The following ATAT1 variants were observed in gnomAD, a reference collection of about 807,000 sequenced individuals.
ATAT1 encodes the protein alpha-tubulin N-acetyltransferase 1.
ATAT1 carries 42 observed loss-of-function variants against 57.2 expected under a neutral mutation model. The observed-to-expected ratio is 0.73, with a 90% CI of 0.57 to 0.95. The LOEUF is 0.95. Ranked by LOEUF, ATAT1 falls within the 40% of genes least tolerant of loss-of-function variation. The pLI, the probability that ATAT1 is intolerant of heterozygous loss-of-function variation, is 0.00. For synonymous variants in ATAT1, 168 were observed against 187.1 expected (o/e 0.90, Z 0.83); for missense variants, 454 against 523.7 (o/e 0.87, Z 1.30).
At chr6:30,632,499 G>A (rs1763121752) in intron 6 of ATAT1, among the ~76,000 whole-genome samples, 1 of 152,012 alleles carries the variant, frequency 6.6e-6, no homozygotes. Flanking sequence ...TTGAACCTGG[G>A]AGGCAGAGGT....
In ATAT1 at chr6:30,627,612, A is replaced by G. The variant is rs369518929; in HGVS notation, c.133-24A>G. On this transcript the variant is annotated intron_variant, in intron 2 of 12. Coordinates refer to ENST00000330083, the MANE Select transcript of ATAT1 (RefSeq NM_001031722.4). ...GGGTCCTTCGGAGAGACTTGCAGAA[A>G]GTCTGACTTAATCTTCCCTGCAGGC... 10 of 1,611,558 alleles carry G rather than the reference A, an allele frequency of 6.2e-6. No homozygotes were observed. The African/African-American group carries it at 1.3e-4, about 22-fold the overall frequency.
Position 30,642,206 on chromosome 6 carries a change from C to T in ATAT1, c.647C>T (p.Ala216Val). ...GCAAGGAAGCTGCCACCCAAGAGAGCAGAGGGAGACATCAAGCCATACTCC... is the reference window on the plus strand; with the variant it reads ...GCAAGGAAGCTGCCACCCAAGAGAGTAGAGGGAGACATCAAGCCATACTCC... The change falls in exon 9 of 13, where the codon GCA becomes GTA. Residue 216 changes from alanine to valine, a missense_variant. Around this residue, in one of 3 missense-constraint regions of ATAT1, gnomAD observed 236 missense variants for 284.5 expected, o/e 0.83. Coordinates refer to ENST00000330083, the MANE Select transcript of ATAT1 (RefSeq NM_001031722.4). 15 of 1,614,122 alleles carry T rather than the reference C, an allele frequency of 9.3e-6. No homozygotes were observed. Among genetic ancestry groups the T allele is most frequent in the Non-Finnish European group, 1.1e-5 (13 of 1,180,022 alleles).
At chr6:30,628,509 C>T (rs2127482096) in intron 6 of ATAT1, 79 bp downstream of exon 6, 2 of 1,184,062 alleles carry the variant, frequency 1.7e-6, no homozygotes, top group Non-Finnish European at 2.4e-6. Context: ...GAAGTAGTGA[C>T]TTATTTCCTA....
At chr6:30,643,803 C>T (rs1258971945) in intron 10 of ATAT1, 9 of 1,339,342 alleles carry the variant, frequency 6.7e-6, no homozygotes, top group Non-Finnish European at 7.7e-6. Context: ...TGAATACTTT[C>T]CCAACAGGAA....
chr6:30,642,597 C>T (rs546671516), intron 9 of ATAT1, among the ~76,000 whole-genome samples, 171 bp from the exon 10 acceptor site: 3 of 151,032 alleles, frequency 2.0e-5, no homozygotes, highest in South Asian at 2.1e-4. Flanking sequence ...GAGCCAAGAT[C>T]GTGCCACTGC....
At position 30,642,833 on chromosome 6, in the gene ATAT1, G is replaced by GGGGGCGCCCC; in HGVS notation, c.754_755insGGGGCGCCCC (p.Ala252GlyfsTer51). The stretch of plus-strand genomic sequence containing the variant: ...GGCCCCTCGCCGCGCCACACCTCCA[G>GGGGGCGCCCC]CCCACCCACCCCCCCGCTCCAGCAG... On this transcript the variant is annotated frameshift_variant, in exon 10 of 13. Coordinates refer to ENST00000330083, the MANE Select transcript of ATAT1 (RefSeq NM_001031722.4). LOFTEE classifies it high-confidence loss of function. 3 of 1,537,872 alleles carry GGGGGCGCCCC rather than the reference G, an allele frequency of 2.0e-6. No homozygotes were observed. Among genetic ancestry groups the GGGGGCGCCCC allele is most frequent in the Non-Finnish European group, 1.7e-6 (2 of 1,145,778 alleles).
chr6:30,635,600 A>G (rs919766630), intron 6 of ATAT1, among the ~76,000 whole-genome samples: 1 of 152,052 alleles, frequency 6.6e-6, no homozygotes, highest in African/African-American at 2.4e-5. Flanking sequence ...AAAAAAAAAA[A>G]AAAGAAAAGA....
chr6:30,629,307 G>A (rs1257222460), intron 6 of ATAT1, among the ~76,000 whole-genome samples: 2 of 149,460 alleles, frequency 1.3e-5, no homozygotes, highest in Non-Finnish European at 3.0e-5. Context: ...GCAGTGGCAC[G>A]ATCACAGCTC....
At chr6:30,634,811 AC>A (rs1002305782) in intron 6 of ATAT1, among the ~76,000 whole-genome samples, 1 of 151,570 alleles carries the variant, frequency 6.6e-6, no homozygotes, top group Admixed American at 6.6e-5. Context: ...ACATGGTGAA[AC>A]CCCCTGTCTA....
chr6:30,644,901 A>G (rs921139823), intron 10 of ATAT1, among the ~76,000 whole-genome samples: 1 of 149,870 alleles, frequency 6.7e-6, no homozygotes, highest in Admixed American at 6.7e-5. Context: ...TTCCGTATCT[A>G]CTCCCTCATT....
chr6:30,643,067 A>G (rs1236971457), intron 10 of ATAT1, 56 bp downstream of exon 10: 1 of 1,545,942 alleles, frequency 6.5e-7, no homozygotes, highest in Admixed American at 2.0e-5. Flanking sequence ...GATGTTAGAA[A>G]TGGCAAAGGG....
At chr6:30,642,292 C>T (rs1415918551) in intron 9 of ATAT1, 45 bp downstream of exon 9, 1 of 1,611,500 alleles carries the variant, frequency 6.2e-7, no homozygotes, top group Non-Finnish European at 8.5e-7. Flanking sequence ...GGTACCTTAA[C>T]ACAAGGGAAG....
chr6:30,642,858 G>A lies in ATAT1; in HGVS notation c.779G>A (p.Ser260Asn). Residue 260 changes from serine to asparagine, a missense_variant, in exon 10 of 13, where the codon AGC becomes AAC. This residue lies in a region of ATAT1 where 216 missense variants were observed against 222.2 expected (regional missense o/e 0.97). Transcript: ENST00000330083. ...GCCCACCCACCCCCCCGCTCCAGCA[G>A]CCTGGGAAACTCACCAGAACGAGGT... 2.2e-6 allele frequency: 1 copy of A among 447,690 alleles called. No homozygotes were observed. Among genetic ancestry groups the A allele is most frequent in the Non-Finnish European group, 3.0e-6 (1 of 329,218 alleles). 27.7% of individuals were successfully genotyped at this position (447,690 alleles called of 1,614,324 possible). A position where few individuals can be genotyped will look rare whatever the true frequency, so the allele number is the denominator to read the frequency against.
At position 30,646,090 on chromosome 6, in the gene ATAT1, G is replaced by C. The variant is rs1306812545; in HGVS notation, c.1036G>C (p.Glu346Gln). ...AGGCAACCAAGACTCCAAGCAGGGAGAACAGGAAACAAAGAATAGGTGAGG... is the reference window on the plus strand; with the variant it reads ...AGGCAACCAAGACTCCAAGCAGGGACAACAGGAAACAAAGAATAGGTGAGG... The change falls in exon 12 of 13, where the codon GAA becomes CAA. Residue 346 changes from glutamate to glutamine, a missense_variant. Around this residue, in one of 3 missense-constraint regions of ATAT1, gnomAD observed 216 missense variants for 222.2 expected, o/e 0.97. Transcript: ENST00000330083. 3 of 1,610,360 alleles carry C rather than the reference G, an allele frequency of 1.9e-6. No homozygotes were observed. The highest frequency in any genetic ancestry group is 2.5e-6 in the Non-Finnish European group (3 of 1,178,302).
At chr6:30,644,772 T>C (rs1766328879) in intron 10 of ATAT1, 1 of 460,520 alleles carries the variant, frequency 2.2e-6, no homozygotes, top group Non-Finnish European at 2.9e-6. Context: ...CTGCACATCT[T>C]TTACCCAGGA....
chr6:30,631,480 A>G (rs1245725482), intron 6 of ATAT1, among the ~76,000 whole-genome samples: 1 of 151,760 alleles, frequency 6.6e-6, no homozygotes, highest in Non-Finnish European at 1.5e-5. Context: ...ATCTCAAAAA[A>G]AAAGAATAAA....
intron 10 of ATAT1, chr6:30,643,456 T>TAG: frequency 6.5e-7 from 1 of 1,545,234 alleles, no homozygotes; most frequent in South Asian, 1.2e-5. Flanking sequence ...ACCTCTGACT[T>TAG]CTCTGTTTTT....
At chr6:30,645,352 A>T (rs775890925) in intron 10 of ATAT1, among the ~76,000 whole-genome samples, 8 of 151,646 alleles carry the variant, frequency 5.3e-5, no homozygotes, top group Non-Finnish European at 1.2e-4. Flanking sequence ...AGTAGCTGGG[A>T]TTACAGAAGT....
At chr6:30,640,993 T>TA (rs1175024411) in intron 8 of ATAT1, among the ~76,000 whole-genome samples, 1 of 152,112 alleles carries the variant, frequency 6.6e-6, no homozygotes, top group Non-Finnish European at 1.5e-5. Flanking sequence ...ATTTAAATGT[T>TA]ACTTTTAGAA....
Sources: allele counts gnomAD v4.1 joint callset (sites outside exome capture counted in the v4.1 genomes callset), GRCh38; gene constraint gnomAD v4.1.1; regional missense constraint gnomAD v4.1.1; transcripts MANE v1.5; gene names NCBI Gene and HGNC (gene_info 2026-07-23, HGNC 2026-07-21).